The following NSL1 variants were observed in gnomAD, a reference collection of about 807,000 sequenced individuals.
The protein encoded by NSL1 is NSL1 component of MIS12 kinetochore complex.
NSL1 carries 11 observed loss-of-function variants against 25.4 expected under a neutral mutation model. The observed-to-expected ratio is 0.43, with a 90% CI of 0.27 to 0.72. The LOEUF is 0.72. Ranked by LOEUF, NSL1 falls within the 30% of genes least tolerant of loss-of-function variation. The pLI, the probability that NSL1 is intolerant of heterozygous loss-of-function variation, is 0.19. For synonymous variants in NSL1, 118 were observed against 120.6 expected (o/e 0.98, Z 0.14); for missense variants, 330 against 342.7 (o/e 0.96, Z 0.29).
chr1:212,745,967 A>AAAACAAAC (rs535616293), intron 4 of NSL1, among the ~76,000 whole-genome samples: 1 of 152,120 alleles, frequency 6.6e-6, no homozygotes, highest in African/African-American at 2.4e-5. Context: ...CCCCATCTCA[A>AAAACAAAC]AAACAAACAA....
chr1:212,764,801 A>C (rs113742586), intron 4 of NSL1, among the ~76,000 whole-genome samples: 3,292 of 141,284 alleles, frequency 0.023, 61 homozygotes, highest in South Asian at 0.041. Flanking sequence ...AGCCAAGATC[A>C]CACCACTGCA....
intron 4 of NSL1, among the ~76,000 whole-genome samples, chr1:212,774,299 A>G (rs1353430666): frequency 6.6e-6 from 1 of 152,226 alleles, no homozygotes; most frequent in Non-Finnish European, 1.5e-5. Context: ...GGATATCTTA[A>G]ATACCTGTTT....
chr1:212,776,750 A>G (rs985849390), intron 4 of NSL1, among the ~76,000 whole-genome samples: 3 of 151,820 alleles, frequency 2.0e-5, no homozygotes, highest in Non-Finnish European at 4.4e-5. Context: ...AAAAAAACCA[A>G]CAACAACAAA....
chr1:212,729,724 C>G lies in NSL1; in HGVS notation c.*8684G>C. On this transcript the variant is annotated 3_prime_UTR_variant, in exon 6 of 6. Coordinates refer to ENST00000366977, the MANE Select transcript of NSL1 (RefSeq NM_015471.4). Reference sequence around the variant, plus strand: ...AGCAAGATACCAAGGTCAAATCCTCCTCTCTTTTCCTTTTTCCTATCCGCT... The same window carrying G: ...AGCAAGATACCAAGGTCAAATCCTCGTCTCTTTTCCTTTTTCCTATCCGCT... 1 of 985,406 alleles carries G rather than the reference C, an allele frequency of 1.0e-6. No individual in the cohort carries two copies. Among genetic ancestry groups the G allele is most frequent in the Non-Finnish European group, 1.2e-6 (1 of 829,926 alleles). The allele number at this position is 985,406 out of a possible 1,614,324, so 61.0% of individuals were successfully genotyped here.
intron 4 of NSL1, among the ~76,000 whole-genome samples, chr1:212,777,565 A>G (rs575602170): frequency 9.2e-5 from 14 of 152,358 alleles, no homozygotes; most frequent in African/African-American, 2.9e-4. Context: ...TCAGTATGAT[A>G]CAATTTATAT....
rs910193001 is a variant in NSL1 at position 212,734,525 on chromosome 1, G to A, written c.*3883C>T. 3.6e-4 allele frequency among the ~76,000 whole-genome samples: 55 copies of A among 152,158 alleles called. No homozygotes were observed. Among genetic ancestry groups the A allele is most frequent in the Non-Finnish European group, 7.2e-4 (49 of 68,032 alleles). On this transcript the variant is annotated 3_prime_UTR_variant, in exon 6 of 6. Transcript: ENST00000366977. The stretch of plus-strand genomic sequence containing the variant: ...CAGAACATTTTGCTCACCCAAAAAT[G>A]TTTCCCGTGCCATTCCCAGTTAATA...
chr1:212,741,619 C>T (rs1658512272), intron 4 of NSL1, among the ~76,000 whole-genome samples: 1 of 152,160 alleles, frequency 6.6e-6, no homozygotes, highest in South Asian at 2.1e-4. Context: ...TTCCTGAGGC[C>T]TCCCAAGAAG....
At chr1:212,781,792 A>G (rs1660742673) in intron 4 of NSL1, 2 of 177,342 alleles carry the variant, frequency 1.1e-5, no homozygotes, top group South Asian at 2.2e-4. Flanking sequence ...ATTTGAAAAT[A>G]TACATAATCC....
Position 212,726,404 on chromosome 1 carries a change from A to G in NSL1, c.*12004T>C, listed in dbSNP as rs1299729726. The G allele has an allele frequency of 6.6e-6, 1 of 152,260 alleles. No homozygotes were observed. The highest frequency in any genetic ancestry group is 2.4e-5 in the African/African-American group (1 of 41,442). 9.4% of individuals were successfully genotyped at this position (152,260 alleles called of 1,614,324 possible). A position where few individuals can be genotyped will look rare whatever the true frequency, so the allele number is the denominator to read the frequency against. ...ATTATTCAAACAGTTTTTGGGAGGT[A>G]ACACTGTCCCTATGGGAAGACTTGG... On this transcript the variant is annotated 3_prime_UTR_variant, in exon 6 of 6. Transcript: ENST00000366977.
chr1:212,751,137 T>TA (rs1301984690), intron 4 of NSL1, among the ~76,000 whole-genome samples: 1 of 152,138 alleles, frequency 6.6e-6, no homozygotes, highest in African/African-American at 2.4e-5. Context: ...AATGAAAGAT[T>TA]AAAAGTGAAG....
Position 212,737,999 on chromosome 1 carries a change from G to A in NSL1, c.*409C>T, listed in dbSNP as rs188657962. 2.3e-3 allele frequency: 2,309 copies of A among 983,934 alleles called. 6 individuals are homozygous for A. Among genetic ancestry groups the A allele is most frequent in the Non-Finnish European group, 2.6e-3 (2,159 of 831,112 alleles). The allele number at this position is 983,934 out of a possible 1,614,324, so 61.0% of individuals were successfully genotyped here. A position where few individuals can be genotyped will look rare whatever the true frequency, so the allele number is the denominator to read the frequency against. On this transcript the variant is annotated 3_prime_UTR_variant, in exon 6 of 6. Coordinates refer to ENST00000366977, the MANE Select transcript of NSL1 (RefSeq NM_015471.4). ...GATAATTACTTTTCAGCATGTAAAC[G>A]AAAAATCATTATACAGCTCTCTCTC...
At chr1:212,780,313 G>C (rs866361768) in intron 4 of NSL1, among the ~76,000 whole-genome samples, 5 of 151,986 alleles carry the variant, frequency 3.3e-5, no homozygotes, top group East Asian at 2.0e-4. Flanking sequence ...CAGCGTGCTC[G>C]TTGAGAGTCA....
rs1410732799 is a variant in NSL1 at position 212,729,500 on chromosome 1, T to C, written c.*8908A>G. 3.0e-6 allele frequency: 3 copies of C among 985,284 alleles called. No homozygotes were observed. The East Asian group carries it at 3.4e-4, about 112-fold the overall frequency. The allele number at this position is 985,284 out of a possible 1,614,324, so 61.0% of individuals were successfully genotyped here. On this transcript the variant is annotated 3_prime_UTR_variant, in exon 6 of 6. Coordinates refer to ENST00000366977, the MANE Select transcript of NSL1 (RefSeq NM_015471.4). ...GGGAAAGATCCTGAGGCTCTGGAGC[T>C]GGGGTGTATGGGACCTGGAGCAGGG...
chr1:212,764,019 T>C, intron 4 of NSL1: 1 of 441,414 alleles, frequency 2.3e-6, no homozygotes, highest in South Asian at 1.6e-5. Context: ...AGATAGGTGA[T>C]ATGATGGGCC....
chr1:212,748,282 A>G (rs984376229), intron 4 of NSL1, among the ~76,000 whole-genome samples: 2 of 152,242 alleles, frequency 1.3e-5, no homozygotes, highest in African/African-American at 4.8e-5. Flanking sequence ...ACCTGCTGTT[A>G]GAAGTATAAA....
rs1294636361 is a variant in NSL1 at position 212,786,110 on chromosome 1, T to C, written c.313+1449A>G. 5.1e-5 allele frequency among the ~76,000 whole-genome samples: 7 copies of C among 137,202 alleles called. No homozygotes were observed. The East Asian group carries it at 1.5e-3, about 30-fold the overall frequency. 90.0% of individuals were successfully genotyped at this position (137,202 alleles called of 152,430 possible). A position where few individuals can be genotyped will look rare whatever the true frequency, so the allele number is the denominator to read the frequency against. On this transcript the variant is annotated intron_variant, in intron 2 of 5. Coordinates refer to ENST00000366977, the MANE Select transcript of NSL1 (RefSeq NM_015471.4). ...TCCTTCTTTTCTTTCCTTTCCTCCC[T>C]CCTTCTTTCCTAGATAGATAGATAG...
At chr1:212,779,577 C>A in intron 4 of NSL1, among the ~76,000 whole-genome samples, 1 of 120,894 alleles carries the variant, frequency 8.3e-6, no homozygotes, top group African/African-American at 3.3e-5. Flanking sequence ...GCCCCCCACC[C>A]GGCCAGCCAC....
chr1:212,789,448 G>C (rs1313048845), intron 1 of NSL1, among the ~76,000 whole-genome samples: 1 of 151,402 alleles, frequency 6.6e-6, no homozygotes, highest in African/African-American at 2.5e-5. Flanking sequence ...CTGACCTCAG[G>C]TGATCCGCCC....
Position 212,727,158 on chromosome 1 carries a change from G to A in NSL1, c.*11250C>T, listed in dbSNP as rs1657823808. On this transcript the variant is annotated 3_prime_UTR_variant, in exon 6 of 6. Transcript: ENST00000366977. ...CCTTCTCTCCTAAACTGCCCCTAGA[G>A]CTAGTCCACCAGGCTTGGCTCCTAA... The A allele has an allele frequency of 3.2e-6, 5 of 1,575,062 alleles. No individual in the cohort carries two copies. Among genetic ancestry groups the A allele is most frequent in the Non-Finnish European group, 3.4e-6 (4 of 1,160,878 alleles).
Sources: gnomAD v4.1 joint callset for allele counts (sites outside exome capture counted in the v4.1 genomes callset) on GRCh38, gnomAD v4.1.1 for gene constraint, MANE v1.5 for transcripts, NCBI Gene and HGNC (gene_info 2026-07-23, HGNC 2026-07-21) for gene names.